PCNX2: variants seen among roughly 807,000 people sequenced by gnomAD.
The protein encoded by PCNX2 is pecanex 2.
A neutral mutation model predicts 223.8 loss-of-function variants in PCNX2; 168 were observed. The observed-to-expected ratio is 0.75, with a 90% CI of 0.66 to 0.85. The LOEUF is 0.85. PCNX2 is among the 40% of genes least tolerant of loss of function. The pLI is 0.00. For synonymous variants in PCNX2, 1,006 were observed against 1,052.6 expected, an observed-to-expected ratio of 0.96 and a Z score of 0.86; for missense variants, 2,507 against 2,675.5, an observed-to-expected ratio of 0.94 and a Z score of 1.39.
At chr1:233,194,792 G>C (rs1409290238) in intron 15 of PCNX2, among the ~76,000 whole-genome samples, 2 of 152,016 alleles carry the variant, frequency 1.3e-5, no homozygotes, top group Admixed American at 1.3e-4. Flanking sequence ...CGAGGCAGGC[G>C]GATCACGAGG....
chr1:233,212,687 G>C (rs1681885199), intron 12 of PCNX2, among the ~76,000 whole-genome samples: 1 of 152,260 alleles, frequency 6.6e-6, no homozygotes, highest in African/African-American at 2.4e-5. Flanking sequence ...AGAGCAGTAA[G>C]AGTGGTGACC....
chr1:233,255,286 AC>A (rs1659672113), intron 5 of PCNX2, among the ~76,000 whole-genome samples: 1 of 151,940 alleles, frequency 6.6e-6, no homozygotes, highest in Non-Finnish European at 1.5e-5. Context: ...ACCAAACCAA[AC>A]CAAGCACATA....
chr1:233,269,129 T>C (rs1660501378), intron 1 of PCNX2, among the ~76,000 whole-genome samples: 1 of 152,226 alleles, frequency 6.6e-6, no homozygotes, highest in Non-Finnish European at 1.5e-5. Flanking sequence ...GAATTCCTTA[T>C]GTTTGACTCT....
chr1:233,087,293 A>T (rs1673654795), intron 23 of PCNX2: 4 of 812,550 alleles, frequency 4.9e-6, no homozygotes, highest in Non-Finnish European at 6.0e-6. Context: ...AGGAGAGGGG[A>T]CTGCTAGGTG....
chr1:233,134,938 T>G lies in PCNX2; in HGVS notation c.3837+75A>C, dbSNP rs546065018. 2.3e-6 allele frequency: 3 copies of G among 1,280,864 alleles called. No individual in the cohort carries two copies. In the Middle Eastern group the frequency reaches 8.0e-4, roughly 341 times the overall value. 79.3% of individuals were successfully genotyped at this position (1,280,864 alleles called of 1,614,324 possible). ...TAATTTTTTTTATAAAGAATAAGTT[T>G]TAAACTCTTAAAACATTTGATAAGA... On this transcript the variant is annotated intron_variant, in intron 21 of 33. Transcript: ENST00000258229.
intron 19 of PCNX2, among the ~76,000 whole-genome samples, chr1:233,142,060 G>A (rs1304345100): frequency 6.6e-6 from 1 of 152,184 alleles, no homozygotes; most frequent in Admixed American, 6.5e-5. Context: ...GAGCAAGGAT[G>A]TTGGGCAGGA....
At chr1:233,277,112 A>G (rs12130755) in intron 1 of PCNX2, among the ~76,000 whole-genome samples, 14,915 of 152,164 alleles carry the variant, frequency 0.098, 857 homozygotes, top group South Asian at 0.17. Context: ...TCAGCATTAG[A>G]GACACAAAGA....
chr1:233,044,218 G>A (rs576815411), intron 25 of PCNX2, among the ~76,000 whole-genome samples: 12 of 152,270 alleles, frequency 7.9e-5, no homozygotes, highest in East Asian at 3.9e-4. Flanking sequence ...TTTGAGAAGC[G>A]TCTGTTCATG....
intron 22 of PCNX2, among the ~76,000 whole-genome samples, chr1:233,093,489 T>A (rs1673992554): frequency 6.6e-6 from 1 of 152,212 alleles, no homozygotes; most frequent in East Asian, 1.9e-4. Context: ...CATTTCACAA[T>A]AAGCCAAGAT....
At chr1:233,142,120 A>G (rs1252952590) in intron 19 of PCNX2, among the ~76,000 whole-genome samples, 1 of 152,192 alleles carries the variant, frequency 6.6e-6, no homozygotes, top group East Asian at 1.9e-4. Flanking sequence ...TTTCTGGAGT[A>G]GATTTGGAAA....
chr1:233,235,957 A>AAAAATATATAT lies in PCNX2; in HGVS notation c.2358+887_2358+888insATATATATTTT, dbSNP rs369886650. The stretch of plus-strand genomic sequence containing the variant: ...ATGTGGCAAAGCAATCATAAAAAAA[A>AAAAATATATAT]ATATATATATATATATATATATATA... On this transcript the variant is annotated intron_variant, in intron 9 of 33. Coordinates refer to ENST00000258229, the MANE Select transcript of PCNX2 (RefSeq NM_014801.4). Among the ~76,000 whole-genome samples the AAAAATATATAT allele has an allele frequency of 5.1e-3, 470 of 93,064 alleles. 5 individuals carry two copies. Among genetic ancestry groups the AAAAATATATAT allele is most frequent in the Non-Finnish European group, 7.1e-3 (325 of 45,934 alleles). 61.1% of individuals were successfully genotyped at this position (93,064 alleles called of 152,430 possible).
chr1:233,273,188 ATAAT>A (rs752695868), intron 1 of PCNX2, among the ~76,000 whole-genome samples: 2 of 151,764 alleles, frequency 1.3e-5, no homozygotes, highest in African/African-American at 2.4e-5. Context: ...ATATAAAAAA[ATAAT>A]AATTTAAAAA....
At chr1:233,209,392 C>G (rs1444501902) in intron 12 of PCNX2, among the ~76,000 whole-genome samples, 1 of 152,076 alleles carries the variant, frequency 6.6e-6, no homozygotes, top group African/African-American at 2.4e-5. Context: ...AAAGATACAA[C>G]ATCAACTTTT....
Position 233,258,524 on chromosome 1 carries a change from G to A in PCNX2, c.1338C>T (p.Pro446=), listed in dbSNP as rs200101465. 31 of 1,613,796 alleles carry A rather than the reference G, an allele frequency of 1.9e-5. No individual in the cohort carries two copies. The highest frequency in any genetic ancestry group is 1.6e-4 in the Middle Eastern group (1 of 6,084). ...GAGTCCTTTCACTTCCATTGCCTTC[G>A]GGACAGGGAACACCTCCTCCCCCAC... ...PEGGGGGVPC[P]EGNGSERTPE... is the part of the protein sequence containing the mutation. The change falls in exon 5 of 34, where the codon CCC becomes CCT. Residue 446 remains proline, a synonymous_variant. Transcript: ENST00000258229.
At chr1:233,309,018 C>G in the PCNX2 span, among the ~76,000 whole-genome samples, 1 of 151,612 alleles carries the variant, frequency 6.6e-6, no homozygotes, top group Non-Finnish European at 1.5e-5. Flanking sequence ...AAGAGTGTCT[C>G]AGAAAAATTG....
chr1:233,038,299 A>C (rs7522978), intron 25 of PCNX2, among the ~76,000 whole-genome samples: 56,179 of 151,976 alleles, frequency 0.37, 13,622 homozygotes, highest in African/African-American at 0.7. Flanking sequence ...TCCCCCTACT[A>C]CTGCCCCGTT....
chr1:233,043,128 C>T (rs1572040439), intron 25 of PCNX2, among the ~76,000 whole-genome samples: 2 of 152,178 alleles, frequency 1.3e-5, no homozygotes, highest in East Asian at 3.8e-4. Context: ...TTTCAAGTTG[C>T]CTGGCTCCTG....
intron 31 of PCNX2, among the ~76,000 whole-genome samples, 160 bp from the exon 32 acceptor site, chr1:232,998,598 C>T (rs777872963): frequency 6.6e-6 from 1 of 152,178 alleles, no homozygotes; most frequent in South Asian, 2.1e-4. Context: ...TGTTCCCAAA[C>T]CTCAGCATCT....
rs182077309 is a variant in PCNX2 at position 233,110,435 on chromosome 1, A to T, written c.3838-14572T>A. Among the ~76,000 whole-genome samples, 4 of 152,324 alleles carry T rather than the reference A, an allele frequency of 2.6e-5. No individual in the cohort carries two copies. In the East Asian group the frequency reaches 7.7e-4, roughly 29 times the overall value. On this transcript the variant is annotated intron_variant, in intron 21 of 33. Coordinates refer to ENST00000258229, the MANE Select transcript of PCNX2 (RefSeq NM_014801.4). ...ACATAGAATTCTATTCCCAGCAAAA[A>T]TATCTTTCAAAAATATAAGAGAAAT...
Sources: gnomAD v4.1 joint callset for allele counts (sites outside exome capture counted in the v4.1 genomes callset) on GRCh38, gnomAD v4.1.1 for gene constraint, MANE v1.5 for transcripts, NCBI Gene and HGNC (gene_info 2026-07-23, HGNC 2026-07-21) for gene names.